The following CPNE4 variants were observed in gnomAD, a reference collection of about 807,000 sequenced individuals.
CPNE4 encodes copine-4.
A neutral mutation model predicts 67.9 loss-of-function variants in CPNE4; 25 were observed. The ratio of observed to expected loss-of-function variants is 0.37; its 90% CI spans 0.27 to 0.51. CPNE4 has a LOEUF of 0.51. CPNE4 is among the 20% of genes least tolerant of loss of function. The pLI, the probability that CPNE4 is intolerant of heterozygous loss-of-function variation, is 0.93. For missense variants in CPNE4, 464 were observed against 690.8 expected (o/e 0.67, Z 3.68); for synonymous variants, 242 against 244.9 (o/e 0.99, Z 0.11).
At position 131,747,573 on chromosome 3, in the gene CPNE4, C is replaced by T. The variant is rs142460408; in HGVS notation, c.181-23948G>A. ...AAAAATTTGAGACAGGGTCTCACTACGTTTCCCAGACTGATCTCAAACTCC... is the reference window on the plus strand; with the variant it reads ...AAAAATTTGAGACAGGGTCTCACTATGTTTCCCAGACTGATCTCAAACTCC... On this transcript the variant is annotated intron_variant, in intron 2 of 15. Transcript: ENST00000429747. 4.0e-3 allele frequency among the ~76,000 whole-genome samples: 602 copies of T among 152,096 alleles called. 6 individuals carry two copies. Among genetic ancestry groups the T allele is most frequent in the African/African-American group, 0.014 (568 of 41,516 alleles).
At chr3:131,832,986 T>C (rs1318649276) in intron 2 of CPNE4, among the ~76,000 whole-genome samples, 1 of 152,102 alleles carries the variant, frequency 6.6e-6, no homozygotes, top group South Asian at 2.1e-4. Flanking sequence ...AGTGAGGCCA[T>C]TGGTAGGTGA....
At chr3:131,557,985 C>G (rs1352074016) in intron 11 of CPNE4, among the ~76,000 whole-genome samples, 6 of 151,958 alleles carry the variant, frequency 3.9e-5, no homozygotes, top group African/African-American at 1.4e-4. Context: ...GGGGTAAGCT[C>G]TAACATTCCA....
At chr3:131,744,312 A>G (rs1285716903) in intron 2 of CPNE4, among the ~76,000 whole-genome samples, 8 of 151,330 alleles carry the variant, frequency 5.3e-5, no homozygotes, top group Non-Finnish European at 1.0e-4. Context: ...AGAGGAAACT[A>G]TCTACTTATA....
intron 1 of CPNE4, among the ~76,000 whole-genome samples, chr3:131,930,114 A>T (rs59597837): frequency 0.17 from 25,339 of 152,142 alleles, 2,511 homozygotes; most frequent in African/African-American, 0.28. Context: ...GCACTTTCCA[A>T]TGGTTGTTAA....
intron 1 of CPNE4, among the ~76,000 whole-genome samples, chr3:131,945,695 T>G (rs1303906227): frequency 6.6e-6 from 1 of 152,186 alleles, no homozygotes; most frequent in Non-Finnish European, 1.5e-5. Context: ...CTTTATTTTT[T>G]GTAGTTATTT....
intron 7 of CPNE4, among the ~76,000 whole-genome samples, chr3:131,628,809 T>C (rs1203804601): frequency 6.6e-6 from 1 of 152,258 alleles, no homozygotes; most frequent in African/African-American, 2.4e-5. Flanking sequence ...TTAGTCTTGC[T>C]AGTGGTCTAT....
At chr3:131,622,351 A>C (rs943958340) in intron 7 of CPNE4, among the ~76,000 whole-genome samples, 16 of 152,210 alleles carry the variant, frequency 1.1e-4, no homozygotes, top group African/African-American at 3.9e-4. Flanking sequence ...ATGGCAACTT[A>C]AGTTTGCTCA....
intron 2 of CPNE4, among the ~76,000 whole-genome samples, chr3:131,799,926 TGTGTGTG>T (rs2084040331): frequency 3.4e-4 from 12 of 35,582 alleles, no homozygotes; most frequent in African/African-American, 9.6e-4. Flanking sequence ...GTGTTGTGTG[TGTGTGTG>T]TGTGTGTGTG....
chr3:131,642,266 A>G (rs2079560456), intron 7 of CPNE4, among the ~76,000 whole-genome samples: 2 of 152,228 alleles, frequency 1.3e-5, no homozygotes, highest in South Asian at 4.1e-4. Context: ...GTGTAAGACT[A>G]TAGAGAAATT....
intron 2 of CPNE4, among the ~76,000 whole-genome samples, chr3:131,776,409 C>T (rs1447592126): frequency 6.6e-6 from 1 of 152,074 alleles, no homozygotes; most frequent in Non-Finnish European, 1.5e-5. Flanking sequence ...GAGGAACTTC[C>T]AACACCCTGA....
At chr3:131,958,630 T>C (rs1220786995) in intron 1 of CPNE4, among the ~76,000 whole-genome samples, 54 of 132,190 alleles carry the variant, frequency 4.1e-4, no homozygotes, top group African/African-American at 6.2e-4. Flanking sequence ...TTTTTTTTTT[T>C]TTTTTTTTTT....
At chr3:131,980,688 T>C (rs1336759926) in intron 1 of CPNE4, among the ~76,000 whole-genome samples, 2 of 152,192 alleles carry the variant, frequency 1.3e-5, no homozygotes, top group Non-Finnish European at 2.9e-5. Flanking sequence ...TCCTGAATTC[T>C]TTTTCAGGTT....
intron 9 of CPNE4, among the ~76,000 whole-genome samples, chr3:131,578,922 G>A (rs1264076313): frequency 1.3e-5 from 2 of 152,196 alleles, no homozygotes; most frequent in African/African-American, 4.8e-5. Context: ...AGCAGCAAAT[G>A]CTGATGGAAA....
At chr3:131,652,828 G>A (rs2079848095) in intron 7 of CPNE4, among the ~76,000 whole-genome samples, 1 of 152,186 alleles carries the variant, frequency 6.6e-6, no homozygotes, top group Non-Finnish European at 1.5e-5. Context: ...GGTTCACCCA[G>A]GACTAAGTGG....
At chr3:131,772,076 G>C (rs114926679) in intron 2 of CPNE4, among the ~76,000 whole-genome samples, 1 of 152,206 alleles carries the variant, frequency 6.6e-6, no homozygotes, top group South Asian at 2.1e-4. Flanking sequence ...AGTGAAGTTC[G>C]TGGAGGGAGA....
At chr3:131,613,981 A>G (rs1240020687) in intron 7 of CPNE4, among the ~76,000 whole-genome samples, 2 of 152,164 alleles carry the variant, frequency 1.3e-5, no homozygotes, top group Non-Finnish European at 2.9e-5. Flanking sequence ...GTGGATTGTC[A>G]TTTGGCCCAG....
chr3:131,947,427 A>C (rs929108770), intron 1 of CPNE4, among the ~76,000 whole-genome samples: 53 of 151,696 alleles, frequency 3.5e-4, no homozygotes, highest in African/African-American at 1.3e-3. Flanking sequence ...TGATGTTTCC[A>C]TCCCTGTGTC....
At chr3:131,842,061 G>T (rs2085807084) in intron 2 of CPNE4, among the ~76,000 whole-genome samples, 1 of 152,098 alleles carries the variant, frequency 6.6e-6, no homozygotes, top group Non-Finnish European at 1.5e-5. Context: ...AAGTGCCTGG[G>T]CCAACCTGTG....
chr3:131,571,609 C>T (rs892189255), intron 10 of CPNE4, among the ~76,000 whole-genome samples: 12 of 152,032 alleles, frequency 7.9e-5, no homozygotes, highest in African/African-American at 2.9e-4. Context: ...TCTCTTTCCA[C>T]AGTACCTCTC....
Sources: gnomAD v4.1 joint callset for allele counts (sites outside exome capture counted in the v4.1 genomes callset) on GRCh38, gnomAD v4.1.1 for gene constraint, MANE v1.5 for transcripts, NCBI Gene and HGNC (gene_info 2026-07-23, HGNC 2026-07-21) for gene names.